The following HECW2 variants were observed in gnomAD, a reference collection of about 807,000 sequenced individuals.
HECW2 encodes the protein HECT, C2 and WW domain containing E3 ubiquitin protein ligase 2.
A neutral mutation model predicts 175.2 loss-of-function variants in HECW2; 61 were observed. That is an observed-to-expected ratio of 0.35 (90% CI 0.28 to 0.43). The LOEUF (loss-of-function observed/expected upper bound fraction) is 0.43. Among genes scored for constraint, HECW2 ranks in the 20% least tolerant of loss-of-function variants. The pLI, the probability that HECW2 is intolerant of heterozygous loss-of-function variation, is 1.00. For synonymous variants in HECW2, 671 were observed against 731.0 expected (o/e 0.92, Z 1.32); for missense variants, 1,524 against 2,000.5 (o/e 0.76, Z 4.54).
At chr2:196,477,764 C>G (rs1273397675) in intron 1 of HECW2, among the ~76,000 whole-genome samples, 1 of 152,106 alleles carries the variant, frequency 6.6e-6, no homozygotes, top group Non-Finnish European at 1.5e-5. Flanking sequence ...AAACACCTCA[C>G]AGAGAGGCTG....
In HECW2 at chr2:196,195,137, T is replaced by G. The variant is rs983301866; in HGVS notation, c.*6140A>C. 6 of 152,246 alleles carry G rather than the reference T, an allele frequency of 3.9e-5. No homozygotes were observed. Among genetic ancestry groups the G allele is most frequent in the African/African-American group, 1.4e-4 (6 of 41,478 alleles). The allele number at this position is 152,246 out of a possible 1,614,324, so 9.4% of individuals were successfully genotyped here. A position where few individuals can be genotyped will look rare whatever the true frequency, so the allele number is the denominator to read the frequency against. On this transcript the variant is annotated 3_prime_UTR_variant, in exon 29 of 29. Coordinates refer to ENST00000644978, the MANE Select transcript of HECW2 (RefSeq NM_001348768.2). Reference sequence around the variant, plus strand: ...AAAAATAGGTTGTAATTTTATCTTTTAGAGCATTAGGGTCCTAAAAGAACA... The same window carrying G: ...AAAAATAGGTTGTAATTTTATCTTTGAGAGCATTAGGGTCCTAAAAGAACA...
chr2:196,381,375 G>C (rs1694202524), intron 2 of HECW2, among the ~76,000 whole-genome samples: 1 of 151,992 alleles, frequency 6.6e-6, no homozygotes. Flanking sequence ...ATAATGCTTT[G>C]GTGCCTTAGC....
intron 10 of HECW2, among the ~76,000 whole-genome samples, chr2:196,311,959 A>G (rs986455986): frequency 9.2e-5 from 14 of 152,186 alleles, no homozygotes; most frequent in African/African-American, 3.4e-4. Flanking sequence ...AACTACTCCA[A>G]GGTTACTGTC....
chr2:196,354,262 G>A (rs1443775240), intron 2 of HECW2, among the ~76,000 whole-genome samples: 5 of 152,224 alleles, frequency 3.3e-5, no homozygotes, highest in Non-Finnish European at 7.3e-5. Flanking sequence ...AGGCTTCAGG[G>A]TTGTGGCCAC....
At chr2:196,569,152 C>T (rs1690286741) in intron 1 of HECW2, among the ~76,000 whole-genome samples, 1 of 152,026 alleles carries the variant, frequency 6.6e-6, no homozygotes, top group South Asian at 2.1e-4. Flanking sequence ...GCCTGGGCAA[C>T]ATAGTGAGAC....
At chr2:196,328,540 A>G (rs544213139) in intron 5 of HECW2, among the ~76,000 whole-genome samples, 5 of 152,298 alleles carry the variant, frequency 3.3e-5, no homozygotes, top group Middle Eastern at 3.4e-3. Flanking sequence ...CATATGTGGT[A>G]ATTATGCTTT....
intron 19 of HECW2, among the ~76,000 whole-genome samples, chr2:196,245,850 C>T (rs757641082): frequency 6.6e-6 from 1 of 152,196 alleles, no homozygotes; most frequent in Non-Finnish European, 1.5e-5. Context: ...TCAATCTTGA[C>T]TGCACATTAG....
At chr2:196,373,397 G>A (rs572706705) in intron 2 of HECW2, among the ~76,000 whole-genome samples, 1 of 152,284 alleles carries the variant, frequency 6.6e-6, no homozygotes, top group South Asian at 2.1e-4. Flanking sequence ...CTTTGGGAAA[G>A]GTTAAGTGGA....
intron 2 of HECW2, among the ~76,000 whole-genome samples, chr2:196,426,984 T>C (rs1214876370): frequency 1.3e-5 from 2 of 152,206 alleles, no homozygotes; most frequent in African/African-American, 4.8e-5. Context: ...ACAGTTGTTC[T>C]GCCATTCACT....
chr2:196,435,331 T>C (rs539369725), intron 1 of HECW2, among the ~76,000 whole-genome samples: 5 of 152,224 alleles, frequency 3.3e-5, no homozygotes, highest in Non-Finnish European at 7.3e-5. Flanking sequence ...ACTTCTAATC[T>C]GATAGTTTCA....
chr2:196,522,314 C>T (rs1688431639), intron 1 of HECW2, among the ~76,000 whole-genome samples: 1 of 152,136 alleles, frequency 6.6e-6, no homozygotes, highest in South Asian at 2.1e-4. Flanking sequence ...TCCTTGCCCA[C>T]TTTTTGATGG....
At chr2:196,305,124 T>G (rs1039410814) in intron 13 of HECW2, among the ~76,000 whole-genome samples, 1 of 152,192 alleles carries the variant, frequency 6.6e-6, no homozygotes, top group Admixed American at 6.5e-5. Flanking sequence ...GCACTTGTAA[T>G]TCTGGTTATG....
At chr2:196,385,907 T>C (rs1466103880) in intron 2 of HECW2, among the ~76,000 whole-genome samples, 1 of 152,196 alleles carries the variant, frequency 6.6e-6, no homozygotes, top group African/African-American at 2.4e-5. Flanking sequence ...GAATGTAAAA[T>C]GCCTCATTTA....
At chr2:196,240,770 AG>A (rs1210542896) in intron 20 of HECW2, among the ~76,000 whole-genome samples, 4 of 152,282 alleles carry the variant, frequency 2.6e-5, no homozygotes, top group African/African-American at 9.6e-5. Context: ...TCATTGGTAG[AG>A]TACCCTACCT....
intron 13 of HECW2, among the ~76,000 whole-genome samples, chr2:196,301,448 G>T (rs916585103): frequency 6.6e-6 from 1 of 152,040 alleles, no homozygotes; most frequent in African/African-American, 2.4e-5. Flanking sequence ...TTAGGGAATC[G>T]CCACACTGTC....
In HECW2 at chr2:196,257,827, G is replaced by T; in HGVS notation, c.3415C>A (p.Leu1139Met). Residue 1139 changes from leucine (L) to methionine (M), a missense_variant, in exon 18 of 29, where the codon CTG (leucine) becomes ATG (methionine). Physicochemically the swap from Leu to Met is conservative, Grantham distance 15. Coordinates refer to ENST00000644978, the MANE Select transcript of HECW2 (RefSeq NM_001348768.2). ...LSSDADLVML[L>M]SLFEEEIMSY... ...GAGTGAGTGTTACGTATGTACCTCA[G>T]CAACATAACAAGGTCTGCATCGCTT... The T allele has an allele frequency of 6.2e-7, 1 of 1,610,634 alleles. No individual in the cohort carries two copies. Among genetic ancestry groups the T allele is most frequent in the Non-Finnish European group, 8.5e-7 (1 of 1,176,852 alleles).
intron 17 of HECW2, among the ~76,000 whole-genome samples, chr2:196,261,938 C>T (rs754620694): frequency 6.6e-6 from 1 of 152,118 alleles, no homozygotes; most frequent in Non-Finnish European, 1.5e-5. Flanking sequence ...AATAACATAA[C>T]AAGTTTGAGA....
chr2:196,529,724 A>G (rs1028777698), intron 1 of HECW2, among the ~76,000 whole-genome samples: 1 of 152,234 alleles, frequency 6.6e-6, no homozygotes, highest in Non-Finnish European at 1.5e-5. Context: ...ACACTAGGAG[A>G]TAACAATTTG....
chr2:196,290,904 A>G lies in HECW2; in HGVS notation c.3000+1661T>C, dbSNP rs538800578. On this transcript the variant is annotated intron_variant, in intron 14 of 28. Transcript: ENST00000644978. ...ATAATCACAAGCCCAATTCTCTTTC[A>G]TCTCTCCTAAACTTCATGCTTGCCA... 2.0e-5 allele frequency: 3 copies of G among 152,212 alleles called. No individual in the cohort carries two copies. The East Asian group carries it at 5.8e-4, about 29-fold the overall frequency. 9.4% of individuals were successfully genotyped at this position (152,212 alleles called of 1,614,324 possible).
Sources: allele counts gnomAD v4.1 joint callset (sites outside exome capture counted in the v4.1 genomes callset), GRCh38; gene constraint gnomAD v4.1.1; transcripts MANE v1.5; gene names NCBI Gene and HGNC (gene_info 2026-07-23, HGNC 2026-07-21).